Variants in ECEL1 observed in about 807,000 individuals in gnomAD.
The protein encoded by ECEL1 is endothelin converting enzyme like 1, also known as endothelin-converting enzyme-like 1.
Under a neutral mutation model 101.8 loss-of-function variants are expected in ECEL1, and 87 were observed. That is an observed-to-expected ratio of 0.85 (90% confidence interval 0.72 to 1.02). The LOEUF (loss-of-function observed/expected upper bound fraction) is 1.02, where lower values mean the gene tolerates loss of function less well. Ranked by LOEUF, ECEL1 falls within the 50% of genes least tolerant of loss-of-function variation. The pLI is 0.00. For synonymous variants in ECEL1, 487 were observed against 468.7 expected (o/e 1.04, Z -0.50); for missense variants, 1,032 against 1,079.2 (o/e 0.96, Z 0.61).
intron 1 of ECEL1, among the ~76,000 whole-genome samples, chr2:232,487,384 G>A (rs1276710542): frequency 6.6e-6 from 1 of 152,100 alleles, no homozygotes; most frequent in African/African-American, 2.4e-5. Context: ...CGGCCCTGAT[G>A]GAGAACCCGA....
chr2:232,486,796 G>T, intron 1 of ECEL1, 42 bp from the exon 2 acceptor site: 1 of 937,464 alleles, frequency 1.1e-6, no homozygotes, highest in Non-Finnish European at 1.4e-6. Context: ...CGCCGCAGCC[G>T]GATGGGGCTC....
At chr2:232,481,873 G>A in intron 12 of ECEL1, 24 bp from the exon 13 acceptor site, 1 of 1,613,496 alleles carries the variant, frequency 6.2e-7, no homozygotes, top group Non-Finnish European at 8.5e-7. Context: ...AGCAGCATCA[G>A]GCCCTAGCCC....
chr2:232,480,162 G>C lies in ECEL1; in HGVS notation c.2319C>G (p.Ser773=). 1 of 1,613,356 alleles carries C rather than the reference G, an allele frequency of 6.2e-7. No individual in the cohort carries two copies. The highest frequency in any genetic ancestry group is 1.1e-5 in the South Asian group (1 of 91,046). Residue 773 remains serine (S), a synonymous_variant, in exon 18 of 18, where the codon TCC becomes TCG. Transcript: ENST00000304546. ...AGGCGGGCAGCCAGGCTCACCACACGGAACACTTGTGGGCAGGGTTCATGG... is the reference window on the plus strand; with the variant it reads ...AGGCGGGCAGCCAGGCTCACCACACCGAACACTTGTGGGCAGGGTTCATGG... ...DSPMNPAHKC[S]VW
At chr2:232,486,820 G>T in intron 1 of ECEL1, 66 bp from the exon 2 acceptor site, 1 of 682,532 alleles carries the variant, frequency 1.5e-6, no homozygotes, top group Non-Finnish European at 2.1e-6. Context: ...GTCACCGCGA[G>T]GAGGGACACA....
In ECEL1 at chr2:232,487,763, CCCGAGCGGGGGCCTGAGCCGCAGCGCAG is replaced by C. The variant is rs916283045; in HGVS notation, c.-174_-147del. The C allele has an allele frequency of 2.7e-5, 4 of 150,234 alleles. No individual in the cohort carries two copies. The South Asian group carries it at 8.1e-4, about 30-fold the overall frequency. The allele number at this position is 150,234 out of a possible 1,614,324, so 9.3% of individuals were successfully genotyped here. A position where few individuals can be genotyped will look rare whatever the true frequency, so the allele number is the denominator to read the frequency against. The stretch of plus-strand genomic sequence containing the variant: ...GCCGGCGGTGACCGAGCGGGTCGGG[CCCGAGCGGGGGCCTGAGCCGCAGCGCAG>C]CCGAGCGGGCGTCCGGTGTCTCCCA... On this transcript the variant is annotated 5_prime_UTR_variant, in exon 1 of 18. Transcript: ENST00000304546.
chr2:232,482,714 T>A, intron 10 of ECEL1, 106 bp from the exon 11 acceptor site: 1 of 1,503,114 alleles, frequency 6.7e-7, no homozygotes. Flanking sequence ...GGGGTCACCC[T>A]GCCGGCCCCC....
chr2:232,482,976 C>A, intron 9 of ECEL1, 22 bp from the exon 10 acceptor site: 2 of 1,613,956 alleles, frequency 1.2e-6, no homozygotes, highest in Non-Finnish European at 1.7e-6. Context: ...ACGGGCGACA[C>A]TCAGCGGCAG....
chr2:232,487,611 C>CA (rs1442169654), intron 1 of ECEL1, 108 bp downstream of exon 1: 2 of 152,678 alleles, frequency 1.3e-5, no homozygotes, highest in Non-Finnish European at 2.9e-5. Context: ...GCCGGAGCCG[C>CA]AGCCGAGAGG....
Position 232,484,156 on chromosome 2 carries a change from G to C in ECEL1, c.1252C>G (p.Arg418Gly). Reference sequence around the variant, plus strand: ...TGTGCCAGCTCGTGCAGTGCCTCACGGAATGGCGGGGACAGGTGTTCACTC... The same window carrying C: ...TGTGCCAGCTCGTGCAGTGCCTCACCGAATGGCGGGGACAGGTGTTCACTC... The part of the protein sequence containing the change: ...VLSEHLSPPF[R>G]EALHELAQEM... Residue 418 changes from arginine (R) to glycine (G), a missense_variant, in exon 7 of 18, where the codon CGT (arginine) becomes GGT (glycine). Transcript: ENST00000304546. 1 of 1,613,636 alleles carries C rather than the reference G, an allele frequency of 6.2e-7. No individual in the cohort carries two copies. The highest frequency in any genetic ancestry group is 8.5e-7 in the Non-Finnish European group (1 of 1,180,014).
chr2:232,486,631 G>A lies in ECEL1; in HGVS notation c.23C>T (p.Thr8Met). Residue 8 changes from threonine to methionine, a missense_variant, in exon 2 of 18, where the codon ACG becomes ATG. Coordinates refer to ENST00000304546, the MANE Select transcript of ECEL1 (RefSeq NM_004826.4). ...CTCTTGGAACTCATCGTAGTGCGCCGTCAGCGAATACGGGGGCTCCATGGC... is the reference window on the plus strand; with the variant it reads ...CTCTTGGAACTCATCGTAGTGCGCCATCAGCGAATACGGGGGCTCCATGGC... MEPPYSL[T>M]AHYDEFQEVK... 1.3e-6 allele frequency: 2 copies of A among 1,528,124 alleles called. No individual in the cohort carries two copies. The highest frequency in any genetic ancestry group is 1.9e-5 in the Admixed American group (1 of 51,598). 94.7% of individuals were successfully genotyped at this position (1,528,124 alleles called of 1,614,324 possible).
Position 232,482,854 on chromosome 2 carries a change from G to A in ECEL1, c.1682C>T (p.Ser561Phe), listed in dbSNP as rs562073116. The change falls in exon 10 of 18, where the codon TCC becomes TTC. Residue 561 changes from serine (S) to phenylalanine (F), a missense_variant. Transcript: ENST00000304546. ...CAGCTCTGGGCCAGGCACCCACGTG[G>A]ACTTGTCCACCTCCTGCCGAATCTT... Reference protein sequence around the residue: ...VKKIRQEVDKSTWLLPPQALN... With the variant: ...VKKIRQEVDKFTWLLPPQALN... The A allele has an allele frequency of 6.2e-7, 1 of 1,613,960 alleles. No individual in the cohort carries two copies. Among genetic ancestry groups the A allele is most frequent in the African/African-American group, 1.3e-5 (1 of 75,060 alleles).
chr2:232,486,239 C>T lies in ECEL1; in HGVS notation c.415G>A (p.Ala139Thr), dbSNP rs1228635771. 1.9e-6 allele frequency: 3 copies of T among 1,600,894 alleles called. No individual in the cohort carries two copies. The highest frequency in any genetic ancestry group is 2.2e-5 in the South Asian group (2 of 90,674). Residue 139 changes from alanine to threonine, a missense_variant, in exon 2 of 18, where the codon GCC becomes ACC. Ala to Thr is a moderately conservative substitution (Grantham distance 58, BLOSUM62 0). Coordinates refer to ENST00000304546, the MANE Select transcript of ECEL1 (RefSeq NM_004826.4). Reference sequence around the variant, plus strand: ...TAGGTGAGCTTGTCGTCGGGGATGGCGTGGCGCCGCAGCCAACCGCCGCAG... The same window carrying T: ...TAGGTGAGCTTGTCGTCGGGGATGGTGTGGCGCCGCAGCCAACCGCCGCAG... ...FACGGWLRRHAIPDDKLTYGT... is the reference protein window; with the variant it reads ...FACGGWLRRHTIPDDKLTYGT...
Position 232,486,703 on chromosome 2 carries a change from G to T in ECEL1, c.-50C>A. On this transcript the variant is annotated 5_prime_UTR_variant, in exon 2 of 18. Coordinates refer to ENST00000304546, the MANE Select transcript of ECEL1 (RefSeq NM_004826.4). ...ACCTGGGCCACCTGGGCTACGGGAT[G>T]CGCGTGGCCGCCGGCCTCCTCGTGG... 7.1e-7 allele frequency: 1 copy of T among 1,413,262 alleles called. No individual in the cohort carries two copies. The highest frequency in any genetic ancestry group is 9.2e-7 in the Non-Finnish European group (1 of 1,089,948). The allele number at this position is 1,413,262 out of a possible 1,614,324, so 87.5% of individuals were successfully genotyped here. A position where few individuals can be genotyped will look rare whatever the true frequency, so the allele number is the denominator to read the frequency against.
chr2:232,479,991 G>T lies in ECEL1; in HGVS notation c.*162C>A. On this transcript the variant is annotated 3_prime_UTR_variant, in exon 18 of 18. Transcript: ENST00000304546. ...AAAGTCCAGCCTCACCCTGCTCCAG[G>T]CCCCTCCTGAAGTGAGGGGCAGCAG... 1.5e-6 allele frequency: 1 copy of T among 659,266 alleles called. No individual in the cohort carries two copies. The highest frequency in any genetic ancestry group is 2.6e-6 in the Non-Finnish European group (1 of 379,854). 40.8% of individuals were successfully genotyped at this position (659,266 alleles called of 1,614,324 possible). A position where few individuals can be genotyped will look rare whatever the true frequency, so the allele number is the denominator to read the frequency against.
chr2:232,483,152 A>G lies in ECEL1; in HGVS notation c.1534T>C (p.Tyr512His). Reference protein sequence around the residue: ...KLQYMMVMVGYPDFLLKPDAV... With the variant: ...KLQYMMVMVGHPDFLLKPDAV... Reference sequence around the variant, plus strand: ...TCGGGTTTCAGCAGGAAGTCCGGGTAGCCGACCATCACCATCATGTACTGG... The same window carrying G: ...TCGGGTTTCAGCAGGAAGTCCGGGTGGCCGACCATCACCATCATGTACTGG... The change falls in exon 9 of 18, where the codon TAC (tyrosine) becomes CAC (histidine). Residue 512 changes from tyrosine (Y) to histidine (H), a missense_variant. Transcript: ENST00000304546. The G allele has an allele frequency of 6.2e-7, 1 of 1,608,412 alleles. No homozygotes were observed. The highest frequency in any genetic ancestry group is 8.5e-7 in the Non-Finnish European group (1 of 1,177,958).
At position 232,486,534 on chromosome 2, in the gene ECEL1, G is replaced by T. The variant is rs1453722302; in HGVS notation, c.120C>A (p.Gly40=). The change falls in exon 2 of 18, where the codon GGC becomes GGA. Residue 40 remains glycine (G), a synonymous_variant. Transcript: ENST00000304546. ...GASLPPGFPL[G]AARSATGARS... ...GGGCCCCGGTGGCGCTGCGCGCAGC[G>T]CCCAACGGGAAGCCCGGGGGCAGGG... 7.5e-7 allele frequency: 1 copy of T among 1,336,308 alleles called. No homozygotes were observed. Among genetic ancestry groups the T allele is most frequent in the Non-Finnish European group, 9.5e-7 (1 of 1,053,270 alleles). The allele number at this position is 1,336,308 out of a possible 1,614,324, so 82.8% of individuals were successfully genotyped here. A position where few individuals can be genotyped will look rare whatever the true frequency, so the allele number is the denominator to read the frequency against.
chr2:232,481,782 C>T lies in ECEL1; in HGVS notation c.1864G>A (p.Gly622Arg). The part of the protein sequence containing the change: ...HELTHGYDDW[G>R]GQYDRSGNLL... ...CCCCTGGGGCCCCAACAGGCCTCAC[C>T]CCAGTCGTCGTAGCCGTGGGTCAGC... The change falls in exon 13 of 18, where the codon GGG becomes AGG. Residue 622 changes from glycine to arginine, a missense_variant and splice_region_variant. Physicochemically the swap from Gly to Arg is moderately radical, Grantham distance 125. Transcript: ENST00000304546. The T allele has an allele frequency of 6.2e-7, 1 of 1,613,950 alleles. No homozygotes were observed. Among genetic ancestry groups the T allele is most frequent in the East Asian group, 2.2e-5 (1 of 44,866 alleles).
chr2:232,481,258 C>T (rs1306954129), intron 14 of ECEL1, 102 bp from the exon 15 acceptor site: 10 of 1,426,956 alleles, frequency 7.0e-6, no homozygotes, highest in African/African-American at 2.8e-5. Flanking sequence ...CCACCCCTCT[C>T]CTTCCCTTGC....
intron 14 of ECEL1, 21 bp downstream of exon 14, chr2:232,481,485 A>G (rs1424253723): frequency 1.9e-6 from 3 of 1,596,014 alleles, no homozygotes; most frequent in Non-Finnish European, 2.6e-6. Flanking sequence ...GAGGGGCACA[A>G]GGGGCAGGTG....
Sources: allele counts gnomAD v4.1 joint callset (sites outside exome capture counted in the v4.1 genomes callset), GRCh38; gene constraint gnomAD v4.1.1; transcripts MANE v1.5; gene names NCBI Gene and HGNC (gene_info 2026-07-23, HGNC 2026-07-21).